The following RIPK4 variants were observed in gnomAD, a reference collection of about 807,000 sequenced individuals.
The protein encoded by RIPK4 is receptor-interacting serine/threonine-protein kinase 4.
In RIPK4, 17 loss-of-function variants were observed where a neutral mutation model predicts 42.9. The observed-to-expected ratio is 0.40, with a 90% confidence interval of 0.27 to 0.59. The LOEUF is 0.59. Ranked by LOEUF, RIPK4 falls within the 20% of genes least tolerant of loss-of-function variation. The pLI is 0.47. For synonymous variants in RIPK4, 498 were observed against 499.1 expected (o/e 1.00, Z 0.03); for missense variants, 897 against 1,104.4 (o/e 0.81, Z 2.66).
chr21:41,757,930 C>T (rs2061208820), intron 1 of RIPK4, among the ~76,000 whole-genome samples: 3 of 137,356 alleles, frequency 2.2e-5, no homozygotes, highest in African/African-American at 2.8e-5. Context: ...ACCTGGGAGG[C>T]GGAGGTTACA....
chr21:41,749,060 G>T, intron 4 of RIPK4, 94 bp downstream of exon 4: 1 of 1,328,714 alleles, frequency 7.5e-7, no homozygotes, highest in Non-Finnish European at 1.1e-6. Flanking sequence ...GTGGATCACA[G>T]GCTCTGTTTT....
Position 41,751,082 on chromosome 21 carries a change from C to A in RIPK4, c.623+15G>T. The A allele has an allele frequency of 1.2e-6, 2 of 1,606,750 alleles. No homozygotes were observed. Among genetic ancestry groups the A allele is most frequent in the Non-Finnish European group, 1.7e-6 (2 of 1,175,398 alleles). Reference sequence around the variant, plus strand: ...CCTGGCACCCACAGGGGATGGGGGGCGGCATGTCACACACCTGTATACATC... The same window carrying A: ...CCTGGCACCCACAGGGGATGGGGGGAGGCATGTCACACACCTGTATACATC... On this transcript the variant is annotated intron_variant, in intron 3 of 7. Coordinates refer to ENST00000332512, the MANE Select transcript of RIPK4 (RefSeq NM_020639.3). This position sits in a 1 kb window ranked among gnomAD's most constrained non-coding sequence, Gnocchi z 4.5.
chr21:41,761,484 T>C (rs1460595350), intron 1 of RIPK4, among the ~76,000 whole-genome samples: 1 of 152,194 alleles, frequency 6.6e-6, no homozygotes, highest in African/African-American at 2.4e-5. Flanking sequence ...CCCCTACCAG[T>C]GTGGCCTCCC....
At position 41,766,871 on chromosome 21, in the gene RIPK4, G is replaced by A. The variant is rs1444066332; in HGVS notation, c.171C>T (p.His57=). The change falls in exon 1 of 8, where the codon CAC becomes CAT. Residue 57 remains histidine (H), a synonymous_variant. Transcript: ENST00000332512. ...WLAIKCSPSL[H]VDDRERMELL... ...CCCGGGCCGCTCACCTGTCGTCGACGTGCAGGCTGGGCGAGCACTTGATGG... is the reference window on the plus strand; with the variant it reads ...CCCGGGCCGCTCACCTGTCGTCGACATGCAGGCTGGGCGAGCACTTGATGG... The A allele has an allele frequency of 1.2e-6, 2 of 1,608,970 alleles. No individual in the cohort carries two copies. The highest frequency in any genetic ancestry group is 8.5e-7 in the Non-Finnish European group (1 of 1,178,198).
chr21:41,745,731 A>G (rs1417438474), intron 6 of RIPK4, 28 bp downstream of exon 6: 2 of 1,571,502 alleles, frequency 1.3e-6, no homozygotes, highest in Non-Finnish European at 1.8e-6. Context: ...CGAGGAGACA[A>G]AAGACCCCTG....
chr21:41,746,006 C>A, intron 5 of RIPK4, 144 bp from the exon 6 acceptor site: 1 of 769,218 alleles, frequency 1.3e-6, no homozygotes, highest in Non-Finnish European at 2.3e-6. Context: ...GCCCAGGGGC[C>A]CTACATGGAC....
chr21:41,757,694 G>A (rs2061207955), intron 1 of RIPK4, among the ~76,000 whole-genome samples: 1 of 151,198 alleles, frequency 6.6e-6, no homozygotes, highest in Non-Finnish European at 1.5e-5. Context: ...AATCCAACCA[G>A]CCATTTTTTA....
intron 1 of RIPK4, among the ~76,000 whole-genome samples, chr21:41,757,836 G>A (rs1014525441): frequency 7.7e-4 from 115 of 149,750 alleles, no homozygotes; most frequent in African/African-American, 2.6e-3. Context: ...CTGTCTCTAC[G>A]AAAAATACAA....
intron 1 of RIPK4, among the ~76,000 whole-genome samples, chr21:41,763,803 G>A (rs573168729): frequency 6.6e-6 from 1 of 152,356 alleles, no homozygotes; most frequent in East Asian, 1.9e-4. Context: ...AGCCAGGGCT[G>A]AATGTGGCAG....
intron 3 of RIPK4, among the ~76,000 whole-genome samples, chr21:41,749,805 G>T (rs536103973): frequency 6.6e-6 from 1 of 151,356 alleles, no homozygotes; most frequent in Admixed American, 6.6e-5. Context: ...CTTTTTCGGG[G>T]GCTGCTTAGA....
chr21:41,751,243 A>C lies in RIPK4; in HGVS notation c.477T>G (p.Ile159Met), dbSNP rs1298354781. 2.5e-6 allele frequency: 4 copies of C among 1,614,156 alleles called. No individual in the cohort carries two copies. The highest frequency in any genetic ancestry group is 3.4e-6 in the Non-Finnish European group (4 of 1,179,992). ...ILLDAHYHVK[I>M]SDFGLAKCNG... ...TGCACTTGGCCAGACCAAAATCAGA[A>C]ATCTGCAACACAGCCATCAGAGCGG... The change falls in exon 3 of 8, where the codon ATT (isoleucine) becomes ATG (methionine). Residue 159 changes from isoleucine (I) to methionine (M), a missense_variant and splice_region_variant. Coordinates refer to ENST00000332512, the MANE Select transcript of RIPK4 (RefSeq NM_020639.3). The surrounding 1 kb of genome is among the most constrained non-coding windows in gnomAD (Gnocchi z 4.5).
At chr21:41,754,507 G>A (rs929540489) in intron 2 of RIPK4, among the ~76,000 whole-genome samples, 4 of 152,126 alleles carry the variant, frequency 2.6e-5, no homozygotes, top group African/African-American at 9.7e-5. Context: ...GCGTGCCTTC[G>A]ACAGCAGCCT....
chr21:41,741,718 G>A lies in RIPK4; in HGVS notation c.1475C>T (p.Ala492Val), dbSNP rs779917528. 21 of 1,612,976 alleles carry A rather than the reference G, an allele frequency of 1.3e-5. No homozygotes were observed. Among genetic ancestry groups the A allele is most frequent in the African/African-American group, 2.7e-5 (2 of 74,938 alleles). Residue 492 changes from alanine to valine, a missense_variant, in exon 8 of 8, where the codon GCG becomes GTG. Physicochemically the swap from Ala to Val is moderately conservative, Grantham distance 64 (BLOSUM62 0). Coordinates refer to ENST00000332512, the MANE Select transcript of RIPK4 (RefSeq NM_020639.3). ...CTTGGCGTTGACACTGATCTTCCGC[G>A]CCAGCAGGAGCTCCACGACACCCCG... is the stretch of plus-strand genomic sequence containing the variant. ...RVRGVVELLL[A>V]RKISVNAKDE...
rs1007021071 is a variant in RIPK4, at chr21:41,739,616, T to C, written c.*1222A>G. The C allele has an allele frequency of 9.8e-5, 15 of 152,334 alleles. No homozygotes were observed. The highest frequency in any genetic ancestry group is 3.6e-4 in the African/African-American group (15 of 41,562). 9.4% of individuals were successfully genotyped at this position (152,334 alleles called of 1,614,324 possible). A position where few individuals can be genotyped will look rare whatever the true frequency, so the allele number is the denominator to read the frequency against. ...GTACATGTTTGCACGCAGGGTCACG[T>C]TCTGCAACAAACTTATTCTAATAAC... On this transcript the variant is annotated 3_prime_UTR_variant, in exon 8 of 8. Transcript: ENST00000332512.
At chr21:41,762,156 G>A (rs1489219821) in intron 1 of RIPK4, among the ~76,000 whole-genome samples, 1 of 152,136 alleles carries the variant, frequency 6.6e-6, no homozygotes, top group Non-Finnish European at 1.5e-5. Flanking sequence ...ACATTTGAGG[G>A]CACTTTCTCG....
intron 7 of RIPK4, among the ~76,000 whole-genome samples, chr21:41,743,314 A>G (rs1242613563): frequency 6.6e-6 from 1 of 152,258 alleles, no homozygotes; most frequent in Admixed American, 6.5e-5. Flanking sequence ...CCTTCCAGAA[A>G]CAAAAGCCAT....
At position 41,744,118 on chromosome 21, in the gene RIPK4, C is replaced by T. The variant is rs187728866; in HGVS notation, c.959G>A (p.Arg320Gln). Residue 320 changes from arginine (R) to glutamine (Q), a missense_variant, in exon 7 of 8, where the codon CGG becomes CAG. Transcript: ENST00000332512. The part of the protein sequence containing the change: ...RSEVVPARLK[R>Q]ASAPTFDNDY... ...GTTATCGAAGGTGGGGGCAGAGGCC[C>T]GCTTGAGCCTCGCAGGCACCACCTG... 6.1e-5 allele frequency: 97 copies of T among 1,598,706 alleles called. No individual in the cohort carries two copies. Among genetic ancestry groups the T allele is most frequent in the African/African-American group, 4.3e-4 (32 of 74,652 alleles).
At position 41,740,886 on chromosome 21, in the gene RIPK4, C is replaced by A; in HGVS notation, c.2307G>T (p.Gln769His). Residue 769 changes from glutamine (Q) to histidine (H), a missense_variant, in exon 8 of 8, where the codon CAG becomes CAT. Transcript: ENST00000332512. Reference protein sequence around the residue: ...AHINLQSLKFQGGHGPAATLL... With the variant: ...AHINLQSLKFHGGHGPAATLL... ...GCGTGGCGGCGGGGCCATGGCCGCC[C>A]TGGAACTTGAGGCTCTGCAGGTTGA... 1 of 1,611,888 alleles carries A rather than the reference C, an allele frequency of 6.2e-7. No homozygotes were observed. The highest frequency in any genetic ancestry group is 8.5e-7 in the Non-Finnish European group (1 of 1,179,472).
chr21:41,754,872 C>T (rs1042259343), intron 2 of RIPK4, among the ~76,000 whole-genome samples: 7 of 152,344 alleles, frequency 4.6e-5, no homozygotes, highest in Admixed American at 2.0e-4. Context: ...GTCTCTGCTC[C>T]GTGACTTACA....
Sources: gnomAD v4.1 joint callset for allele counts (sites outside exome capture counted in the v4.1 genomes callset) on GRCh38, gnomAD v4.1.1 for gene constraint, Gnocchi (gnomAD v3.1) non-coding constraint, MANE v1.5 for transcripts, NCBI Gene and HGNC (gene_info 2026-07-23, HGNC 2026-07-21) for gene names.